The following FOXE1 variants were observed in gnomAD, a reference collection of about 807,000 sequenced individuals.
FOXE1 encodes forkhead box E1.
Under a neutral mutation model 2.1 loss-of-function variants are expected in FOXE1, and 4 were observed. That is an observed-to-expected ratio of 1.91 (90% CI 0.94 to 4.37). The LOEUF is 4.37. Ranked by LOEUF, FOXE1 falls within the 30% of genes most tolerant of loss-of-function variation. FOXE1 has a pLI of 0.01. For synonymous variants in FOXE1, 277 were observed against 272.4 expected (o/e 1.02, Z -0.17); for missense variants, 574 against 583.3 (o/e 0.98, Z 0.16).
Position 97,854,928 on chromosome 9 carries a change from CT to C in FOXE1, c.1015del (p.Cys339AlafsTer28). 1 of 1,601,170 alleles carries C rather than the reference CT, an allele frequency of 6.2e-7. No individual in the cohort carries two copies. On this transcript the variant is annotated frameshift_variant, in exon 1 of 1. Transcript: ENST00000375123. LOFTEE classifies it high-confidence loss of function. The part of the protein sequence containing the change: ...SPGQFGALGA[C>X]YNPGGQLGGA... ...CCGGCCAGTTCGGAGCGCTGGGAGC[CT>C]GCTACAACCCTGGCGGGCAGCTCGG...
Position 97,854,855 on chromosome 9 carries a change from G to T in FOXE1, c.941G>T (p.Ser314Ile). The T allele has an allele frequency of 6.4e-7, 1 of 1,555,680 alleles. No individual in the cohort carries two copies. Among genetic ancestry groups the T allele is most frequent in the East Asian group, 2.4e-5 (1 of 42,438 alleles). The change falls in exon 1 of 1, where the codon AGC becomes ATC. Residue 314 changes from serine (S) to isoleucine (I), a missense_variant. Ser to Ile is a moderately radical substitution (Grantham distance 142). Transcript: ENST00000375123. ...AGPASPPAGGSSGGVETTVDF... is the reference protein window; with the variant it reads ...AGPASPPAGGISGGVETTVDF... ...CCCGCTTCGCCCCCAGCGGGCGGCA[G>T]CAGTGGCGGCGTGGAGACCACGGTG... is the stretch of plus-strand genomic sequence containing the variant.
chr9:97,854,798 C>A lies in FOXE1; in HGVS notation c.884C>A (p.Ala295Glu). ...GCGTACCCGCAGGGCGCCGGCAGTG[C>A]GATCTTTGCCGCTGCTGGCCGCCTG... ...DGAYPQGAGS[A>E]IFAAAGRLAG... Residue 295 changes from alanine to glutamate, a missense_variant, in exon 1 of 1, where the codon GCG becomes GAG. By Grantham distance (107) the Ala-to-Glu change is moderately radical. Around this residue, in one of 3 missense-constraint regions of FOXE1, gnomAD observed 316 missense variants for 288.4 expected, o/e 1.10. Transcript: ENST00000375123. 1 of 1,529,600 alleles carries A rather than the reference C, an allele frequency of 6.5e-7. No homozygotes were observed. The highest frequency in any genetic ancestry group is 1.2e-5 in the South Asian group (1 of 83,672). 94.8% of individuals were successfully genotyped at this position (1,529,600 alleles called of 1,614,324 possible). A position where few individuals can be genotyped will look rare whatever the true frequency, so the allele number is the denominator to read the frequency against.
Position 97,854,416 on chromosome 9 carries a change from G to A in FOXE1, c.502G>A (p.Ala168Thr). The A allele has an allele frequency of 3.3e-6, 4 of 1,195,032 alleles. No homozygotes were observed. The highest frequency in any genetic ancestry group is 4.1e-6 in the Non-Finnish European group (4 of 979,320). The allele number at this position is 1,195,032 out of a possible 1,614,324, so 74.0% of individuals were successfully genotyped here. Residue 168 changes from alanine to threonine, a missense_variant, in exon 1 of 1, where the codon GCA (alanine) becomes ACA (threonine). Transcript: ENST00000375123. ...TTACATGCACGACGCGGCGGCTGCC[G>A]CAGCCGCCGCCGCCGCCGCCGCCGC... ...PAYMHDAAAAAAAAAAAAAAA... is the reference protein window; with the variant it reads ...PAYMHDAAAATAAAAAAAAAA...
In FOXE1 at chr9:97,853,909, C is replaced by A; in HGVS notation, c.-6C>A. The A allele has an allele frequency of 2.3e-6, 3 of 1,276,806 alleles. No homozygotes were observed. Among genetic ancestry groups the A allele is most frequent in the Admixed American group, 8.5e-5 (2 of 23,556 alleles). 79.1% of individuals were successfully genotyped at this position (1,276,806 alleles called of 1,614,324 possible). Reference sequence around the variant, plus strand: ...CCAGAGCCCGGGGGTGCGGGACGCCCGCGCCATGACTGCCGAGAGCGGGCC... The same window carrying A: ...CCAGAGCCCGGGGGTGCGGGACGCCAGCGCCATGACTGCCGAGAGCGGGCC... On this transcript the variant is annotated 5_prime_UTR_variant, in exon 1 of 1. Transcript: ENST00000375123.
chr9:97,854,031 G>A lies in FOXE1; in HGVS notation c.117G>A (p.Gly39=), dbSNP rs919806056. ...TCCCAGGGGAGGCCACGGGCCGCGG[G>A]GCGGGCGGGCGGCGCCGCAAGCGCC... is the stretch of plus-strand genomic sequence containing the variant. ...AGVPGEATGR[G]AGGRRRKRPL... Residue 39 remains glycine (G), a synonymous_variant, in exon 1 of 1, where the codon GGG becomes GGA. Transcript: ENST00000375123. The A allele has an allele frequency of 5.6e-6, 8 of 1,434,930 alleles. No individual in the cohort carries two copies. Among genetic ancestry groups the A allele is most frequent in the Non-Finnish European group, 5.5e-6 (6 of 1,097,330 alleles). 88.9% of individuals were successfully genotyped at this position (1,434,930 alleles called of 1,614,324 possible). A position where few individuals can be genotyped will look rare whatever the true frequency, so the allele number is the denominator to read the frequency against.
chr9:97,854,628 C>T lies in FOXE1; in HGVS notation c.714C>T (p.Pro238=), dbSNP rs3021525. Residue 238 remains proline (P), a synonymous_variant, in exon 1 of 1, where the codon CCC becomes CCT. Transcript: ENST00000375123. ...PERPLSPELG[P]APSGPGGSCA... is the part of the protein sequence containing the mutation. ...GGCCGCTCAGCCCAGAGCTGGGGCC[C>T]GCACCGTCGGGGCCCGGCGGCTCTT... is the stretch of plus-strand genomic sequence containing the variant. 3,612 of 1,392,682 alleles carry T rather than the reference C, an allele frequency of 2.6e-3. 117 individuals are homozygous for T. The East Asian group carries it at 0.074, about 29-fold the overall frequency. The allele number at this position is 1,392,682 out of a possible 1,614,324, so 86.3% of individuals were successfully genotyped here.
Position 97,853,998 on chromosome 9 carries a change from G to T in FOXE1, c.84G>T (p.Gly28=), listed in dbSNP as rs1174873093. 7 of 1,353,984 alleles carry T rather than the reference G, an allele frequency of 5.2e-6. No homozygotes were observed. Among genetic ancestry groups the T allele is most frequent in the Non-Finnish European group, 6.6e-6 (7 of 1,057,534 alleles). The allele number at this position is 1,353,984 out of a possible 1,614,324, so 83.9% of individuals were successfully genotyped here. ...AAGAGCGCGGCGAGACGGCAGCAGG[G>T]GCCGGGGTCCCAGGGGAGGCCACGG... ...VKEERGETAA[G]AGVPGEATGR... is the part of the protein sequence containing the mutation. The change falls in exon 1 of 1, where the codon GGG becomes GGT. Residue 28 remains glycine (G), a synonymous_variant. Coordinates refer to ENST00000375123, the MANE Select transcript of FOXE1 (RefSeq NM_004473.4).
chr9:97,854,952 C>T lies in FOXE1; in HGVS notation c.1038C>T (p.Leu346=), dbSNP rs1179356810. Reference sequence around the variant, plus strand: ...CCTGCTACAACCCTGGCGGGCAGCTCGGAGGGGCCAGTGCAGGCGCCTACC... The same window carrying T: ...CCTGCTACAACCCTGGCGGGCAGCTTGGAGGGGCCAGTGCAGGCGCCTACC... ...LGACYNPGGQ[L]GGASAGAYHA... The change falls in exon 1 of 1, where the codon CTC becomes CTT. Residue 346 remains leucine, a synonymous_variant. Coordinates refer to ENST00000375123, the MANE Select transcript of FOXE1 (RefSeq NM_004473.4). 2 of 1,603,192 alleles carry T rather than the reference C, an allele frequency of 1.2e-6. No individual in the cohort carries two copies. The highest frequency in any genetic ancestry group is 1.1e-5 in the South Asian group (1 of 91,074).
rs376122968 is a variant in FOXE1, at chr9:97,856,537, T to C, written c.*1501T>C. On this transcript the variant is annotated 3_prime_UTR_variant, in exon 1 of 1. Transcript: ENST00000375123. ...GAAAAAGAAGATTGTATGAAAACCA[T>C]TGGTAATTTTTATTTTTTATTTTTG... 1.8e-5 allele frequency: 3 copies of C among 167,200 alleles called. No individual in the cohort carries two copies. Among genetic ancestry groups the C allele is most frequent in the South Asian group, 4.1e-4 (2 of 4,824 alleles). 10.4% of individuals were successfully genotyped at this position (167,200 alleles called of 1,614,324 possible). A position where few individuals can be genotyped will look rare whatever the true frequency, so the allele number is the denominator to read the frequency against.
chr9:97,853,689 A>G lies in FOXE1; in HGVS notation c.-226A>G, dbSNP rs1226810461. ...CACCACGCGGGCTGAGCCGTCGGCT[A>G]GCGGGTCACTCCCGAGCCTCTGTCT... On this transcript the variant is annotated 5_prime_UTR_variant, in exon 1 of 1. Transcript: ENST00000375123. 5.5e-6 allele frequency: 2 copies of G among 365,906 alleles called. No homozygotes were observed. The highest frequency in any genetic ancestry group is 9.6e-6 in the Non-Finnish European group (2 of 207,936). 22.7% of individuals were successfully genotyped at this position (365,906 alleles called of 1,614,324 possible).
Position 97,854,634 on chromosome 9 carries a change from G to A in FOXE1, c.720G>A (p.Pro240=), listed in dbSNP as rs1428883579. ...RPLSPELGPA[P]SGPGGSCAFA... is the part of the protein sequence containing the mutation. ...TCAGCCCAGAGCTGGGGCCCGCACC[G>A]TCGGGGCCCGGCGGCTCTTGCGCCT... The change falls in exon 1 of 1, where the codon CCG becomes CCA. Residue 240 remains proline, a synonymous_variant. Transcript: ENST00000375123. 3 of 1,390,996 alleles carry A rather than the reference G, an allele frequency of 2.2e-6. No homozygotes were observed. Among genetic ancestry groups the A allele is most frequent in the African/African-American group, 3.1e-5 (2 of 65,354 alleles). 86.2% of individuals were successfully genotyped at this position (1,390,996 alleles called of 1,614,324 possible).
chr9:97,855,556 A>C lies in FOXE1; in HGVS notation c.*520A>C. The C allele has an allele frequency of 5.2e-6, 1 of 190,646 alleles. No homozygotes were observed. Among genetic ancestry groups the C allele is most frequent in the Non-Finnish European group, 1.2e-5 (1 of 81,328 alleles). The allele number at this position is 190,646 out of a possible 1,614,324, so 11.8% of individuals were successfully genotyped here. On this transcript the variant is annotated 3_prime_UTR_variant, in exon 1 of 1. Coordinates refer to ENST00000375123, the MANE Select transcript of FOXE1 (RefSeq NM_004473.4). ...CTTTTCTTCTTTTTTAAATTGGAGAAATCTCTGCTCTGGTTGACCTGGGCT... is the reference window on the plus strand; with the variant it reads ...CTTTTCTTCTTTTTTAAATTGGAGACATCTCTGCTCTGGTTGACCTGGGCT...
chr9:97,854,523 G>A lies in FOXE1; in HGVS notation c.609G>A (p.Pro203=). 8.0e-7 allele frequency: 1 copy of A among 1,253,532 alleles called. No individual in the cohort carries two copies. Among genetic ancestry groups the A allele is most frequent in the Non-Finnish European group, 1.0e-6 (1 of 1,003,362 alleles). 77.7% of individuals were successfully genotyped at this position (1,253,532 alleles called of 1,614,324 possible). Residue 203 remains proline, a synonymous_variant, in exon 1 of 1, where the codon CCG becomes CCA. Coordinates refer to ENST00000375123, the MANE Select transcript of FOXE1 (RefSeq NM_004473.4). ...PGAVYAGYAP[P]SLAAPPPVYY... is the part of the protein sequence containing the mutation. ...CCGTCTATGCAGGCTACGCGCCGCC[G>A]TCGCTGGCCGCGCCGCCTCCAGTCT... is the stretch of plus-strand genomic sequence containing the variant.
Position 97,855,195 on chromosome 9 carries a change from C to T in FOXE1, c.*159C>T. 2.1e-6 allele frequency: 2 copies of T among 939,954 alleles called. No individual in the cohort carries two copies. Among genetic ancestry groups the T allele is most frequent in the Non-Finnish European group, 3.4e-6 (2 of 595,984 alleles). The allele number at this position is 939,954 out of a possible 1,614,324, so 58.2% of individuals were successfully genotyped here. A position where few individuals can be genotyped will look rare whatever the true frequency, so the allele number is the denominator to read the frequency against. On this transcript the variant is annotated 3_prime_UTR_variant, in exon 1 of 1. Transcript: ENST00000375123. ...GTCTCCCCGCGCACAGCGTAGGCACCCGGTGTACTCTGTAAACGGGAGGAG... is the reference window on the plus strand; with the variant it reads ...GTCTCCCCGCGCACAGCGTAGGCACTCGGTGTACTCTGTAAACGGGAGGAG...
rs1307771262 is a variant in FOXE1 at position 97,854,391 on chromosome 9, T to G, written c.477T>G (p.Ala159=). 2.2e-6 allele frequency: 3 copies of G among 1,377,826 alleles called. No homozygotes were observed. Among genetic ancestry groups the G allele is most frequent in the Non-Finnish European group, 2.8e-6 (3 of 1,063,810 alleles). The allele number at this position is 1,377,826 out of a possible 1,614,324, so 85.4% of individuals were successfully genotyped here. The change falls in exon 1 of 1, where the codon GCT becomes GCG. Residue 159 remains alanine, a synonymous_variant. Transcript: ENST00000375123. ...FKRSDLSTYP[A]YMHDAAAAAA... ...GCTCGGACCTCTCCACCTACCCGGCTTACATGCACGACGCGGCGGCTGCCG... is the reference window on the plus strand; with the variant it reads ...GCTCGGACCTCTCCACCTACCCGGCGTACATGCACGACGCGGCGGCTGCCG...
Position 97,856,241 on chromosome 9 carries a change from T to G in FOXE1, c.*1205T>G, listed in dbSNP as rs1564090206. On this transcript the variant is annotated 3_prime_UTR_variant, in exon 1 of 1. Transcript: ENST00000375123. ...TGAGCTTTAGAAAGAAACTGGAATT[T>G]TAACTTCATTTTGTATCTTGCTTAA... The G allele has an allele frequency of 6.0e-6, 1 of 167,100 alleles. No homozygotes were observed. The highest frequency in any genetic ancestry group is 1.9e-4 in the East Asian group (1 of 5,210). 10.4% of individuals were successfully genotyped at this position (167,100 alleles called of 1,614,324 possible).
Position 97,854,034 on chromosome 9 carries a change from G to T in FOXE1, c.120G>T (p.Ala40=), listed in dbSNP as rs760222007. 3.5e-6 allele frequency: 5 copies of T among 1,442,842 alleles called. No individual in the cohort carries two copies. The highest frequency in any genetic ancestry group is 3.6e-6 in the Non-Finnish European group (4 of 1,101,082). The allele number at this position is 1,442,842 out of a possible 1,614,324, so 89.4% of individuals were successfully genotyped here. A position where few individuals can be genotyped will look rare whatever the true frequency, so the allele number is the denominator to read the frequency against. The change falls in exon 1 of 1, where the codon GCG becomes GCT. Residue 40 remains alanine (A), a synonymous_variant. Transcript: ENST00000375123. ...CAGGGGAGGCCACGGGCCGCGGGGC[G>T]GGCGGGCGGCGCCGCAAGCGCCCCC... ...GVPGEATGRG[A]GGRRRKRPLQ...
rs1288686944 is a variant in FOXE1 at position 97,856,677 on chromosome 9, A to C, written c.*1641A>C. 6.0e-6 allele frequency: 1 copy of C among 166,834 alleles called. No individual in the cohort carries two copies. Among genetic ancestry groups the C allele is most frequent in the African/African-American group, 2.4e-5 (1 of 41,466 alleles). The allele number at this position is 166,834 out of a possible 1,614,324, so 10.3% of individuals were successfully genotyped here. ...GGTGCAAGCCACATATGTAATTTTA[A>C]ATATTCTAGTAGCCACATTAATAAA... On this transcript the variant is annotated 3_prime_UTR_variant, in exon 1 of 1. Coordinates refer to ENST00000375123, the MANE Select transcript of FOXE1 (RefSeq NM_004473.4).
rs1830646370 is a variant in FOXE1, at chr9:97,854,805, T to C, written c.891T>C (p.Phe297=). The change falls in exon 1 of 1, where the codon TTT becomes TTC. Residue 297 remains phenylalanine, a synonymous_variant. Transcript: ENST00000375123. ...CGCAGGGCGCCGGCAGTGCGATCTT[T>C]GCCGCTGCTGGCCGCCTGGCGGGAC... ...AYPQGAGSAI[F]AAAGRLAGPA... 1.3e-6 allele frequency: 2 copies of C among 1,531,512 alleles called. No homozygotes were observed. The highest frequency in any genetic ancestry group is 1.7e-6 in the Non-Finnish European group (2 of 1,145,434). 94.9% of individuals were successfully genotyped at this position (1,531,512 alleles called of 1,614,324 possible).
Sources: gnomAD v4.1 joint callset for allele counts on GRCh38, gnomAD v4.1.1 for gene constraint, gnomAD v4.1.1 regional missense constraint, MANE v1.5 for transcripts, NCBI Gene and HGNC (gene_info 2026-07-23, HGNC 2026-07-21) for gene names.